The following CACHD1 variants were observed in gnomAD, a reference collection of about 807,000 sequenced individuals.
CACHD1 encodes the protein VWFA and cache domain-containing protein 1.
CACHD1 carries 71 observed loss-of-function variants against 138.7 expected under a neutral mutation model. That is an observed-to-expected ratio of 0.51 (90% CI 0.42 to 0.62). The LOEUF (loss-of-function observed/expected upper bound fraction) is 0.62. CACHD1 is among the 20% of genes least tolerant of loss of function. The pLI is 0.00. For synonymous variants in CACHD1, 578 were observed against 591.5 expected (o/e 0.98, Z 0.33); for missense variants, 1,389 against 1,625.3 (o/e 0.85, Z 2.50).
At position 64,569,070 on chromosome 1, in the gene CACHD1, C is replaced by T. The variant is rs139489932; in HGVS notation, c.262-13086C>T. Among the ~76,000 whole-genome samples the T allele has an allele frequency of 9.0e-3, 1,368 of 151,646 alleles. 30 individuals carry two copies. Among genetic ancestry groups the T allele is most frequent in the African/African-American group, 0.031 (1,283 of 41,310 alleles). ...CCGAGTAGCTGGGATTACAGGCATG[C>T]GCCACCACACCCGGCTAATTTTTTA... On this transcript the variant is annotated intron_variant, in intron 2 of 26. Coordinates refer to ENST00000651257, the MANE Select transcript of CACHD1 (RefSeq NM_020925.4).
chr1:64,512,583 A>G (rs1312097534), intron 1 of CACHD1, among the ~76,000 whole-genome samples: 3 of 152,066 alleles, frequency 2.0e-5, no homozygotes, highest in Non-Finnish European at 2.9e-5. Flanking sequence ...AGGGACAGAC[A>G]CACACACCCC....
chr1:64,561,000 A>G (rs1391005697), intron 2 of CACHD1, among the ~76,000 whole-genome samples: 1 of 152,120 alleles, frequency 6.6e-6, no homozygotes, highest in African/African-American at 2.4e-5. Flanking sequence ...CATCCTTTAT[A>G]TACTTACTGT....
intron 1 of CACHD1, among the ~76,000 whole-genome samples, chr1:64,492,267 C>T (rs911851133): frequency 2.0e-5 from 3 of 149,292 alleles, no homozygotes; most frequent in African/African-American, 7.3e-5. Flanking sequence ...AATGTTTTAT[C>T]CTTAGCAAAA....
At chr1:64,654,591 A>T (rs1017494874) in intron 11 of CACHD1, 95 bp from the exon 12 acceptor site, 11 of 788,198 alleles carry the variant, frequency 1.4e-5, no homozygotes, top group Non-Finnish European at 2.2e-5. Context: ...CGAAATCAGG[A>T]GGTGGCCATT....
chr1:64,515,684 C>T (rs1646453525), intron 1 of CACHD1, among the ~76,000 whole-genome samples: 1 of 152,100 alleles, frequency 6.6e-6, no homozygotes, highest in South Asian at 2.1e-4. Flanking sequence ...TCCCTAGCTG[C>T]CTGGGAGAGA....
chr1:64,531,995 A>C (rs1646591074), intron 1 of CACHD1, among the ~76,000 whole-genome samples: 1 of 152,218 alleles, frequency 6.6e-6, no homozygotes, highest in Non-Finnish European at 1.5e-5. Context: ...CTCACAGGAT[A>C]GGGATAAGGG....
chr1:64,681,784 T>C (rs1322523294), intron 25 of CACHD1, among the ~76,000 whole-genome samples: 1 of 152,054 alleles, frequency 6.6e-6, no homozygotes, highest in Non-Finnish European at 1.5e-5. Flanking sequence ...TACTAGACCA[T>C]AGCTTCCTGA....
rs1441724793 is a variant in CACHD1 at position 64,535,755 on chromosome 1, C to A, written c.199-14839C>A. Among the ~76,000 whole-genome samples the A allele has an allele frequency of 4.6e-5, 7 of 152,216 alleles. No individual in the cohort carries two copies. The East Asian group carries it at 1.4e-3, about 29-fold the overall frequency. On this transcript the variant is annotated intron_variant, in intron 1 of 26. Transcript: ENST00000651257. ...GACTTTTAAAGCAATGTTTAGTAGG[C>A]CACCTCCCTCAGGGCCACCTCCATG... is the stretch of plus-strand genomic sequence containing the variant.
intron 4 of CACHD1, among the ~76,000 whole-genome samples, chr1:64,608,065 G>T (rs186899303): frequency 6.4e-4 from 98 of 152,166 alleles, no homozygotes; most frequent in Admixed American, 5.6e-3. Context: ...ATAAAGACCA[G>T]ATCTTGAATT....
chr1:64,549,368 A>G (rs116478097), intron 1 of CACHD1, among the ~76,000 whole-genome samples: 4,874 of 152,306 alleles, frequency 0.032, 118 homozygotes, highest in South Asian at 0.1. Context: ...AGAAAATGAC[A>G]GTAAACATCT....
chr1:64,594,125 G>A (rs963462492), intron 3 of CACHD1, among the ~76,000 whole-genome samples: 7 of 152,010 alleles, frequency 4.6e-5, no homozygotes, highest in African/African-American at 1.4e-4. Context: ...ATGATGGTGG[G>A]CGCCTGTAAT....
rs145270493 is a variant in CACHD1 at position 64,588,276 on chromosome 1, A to G, written c.410+5972A>G. On this transcript the variant is annotated intron_variant, in intron 3 of 26. Coordinates refer to ENST00000651257, the MANE Select transcript of CACHD1 (RefSeq NM_020925.4). ...CTCATTCTCTCAAGTTTTAAAGAATATAACTCCTTTAGGCATAACACTAAG... is the reference window on the plus strand; with the variant it reads ...CTCATTCTCTCAAGTTTTAAAGAATGTAACTCCTTTAGGCATAACACTAAG... Among the ~76,000 whole-genome samples, 317 of 152,324 alleles carry G rather than the reference A, an allele frequency of 2.1e-3. 2 individuals are homozygous for G. Among genetic ancestry groups the G allele is most frequent in the African/African-American group, 7.1e-3 (296 of 41,564 alleles).
chr1:64,588,613 A>G (rs908238158), intron 3 of CACHD1, among the ~76,000 whole-genome samples: 3 of 151,976 alleles, frequency 2.0e-5, no homozygotes, highest in Admixed American at 1.3e-4. Flanking sequence ...CCTGGACTCA[A>G]GTGATCTACC....
intron 16 of CACHD1, among the ~76,000 whole-genome samples, chr1:64,669,725 G>T (rs1446378214): frequency 1.3e-5 from 2 of 151,624 alleles, no homozygotes; most frequent in African/African-American, 4.9e-5. Flanking sequence ...TTTATGAGTT[G>T]CTATGGTAAC....
At chr1:64,505,820 C>A (rs1291667931) in intron 1 of CACHD1, 2 of 146,174 alleles carry the variant, frequency 1.4e-5, no homozygotes, top group South Asian at 1.9e-4. Flanking sequence ...CCCCGCGGCC[C>A]GCGAGGCAGC....
Position 64,602,789 on chromosome 1 carries a change from C to G in CACHD1, c.411-17C>G. On this transcript the variant is annotated splice_polypyrimidine_tract_variant and intron_variant, in intron 3 of 26. Transcript: ENST00000651257. Reference sequence around the variant, plus strand: ...CTGGCCTGAATAAGTATTGCTAATTCTCTCCTATTGTTTCAGATTCGATGG... The same window carrying G: ...CTGGCCTGAATAAGTATTGCTAATTGTCTCCTATTGTTTCAGATTCGATGG... The G allele has an allele frequency of 1.3e-6, 2 of 1,551,218 alleles. No homozygotes were observed. The highest frequency in any genetic ancestry group is 1.8e-6 in the Non-Finnish European group (2 of 1,123,008).
chr1:64,570,106 C>T (rs1239233455), intron 2 of CACHD1, among the ~76,000 whole-genome samples: 1 of 152,172 alleles, frequency 6.6e-6, no homozygotes, highest in African/African-American at 2.4e-5. Flanking sequence ...AACATAAACT[C>T]ATCTGAGAAC....
intron 4 of CACHD1, among the ~76,000 whole-genome samples, chr1:64,617,376 G>C (rs946757816): frequency 6.6e-6 from 1 of 151,906 alleles, no homozygotes; most frequent in African/African-American, 2.4e-5. Context: ...AGGAAGAAGA[G>C]AGAGTGGTGG....
intron 1 of CACHD1, among the ~76,000 whole-genome samples, chr1:64,549,987 T>C (rs1285471318): frequency 6.6e-6 from 1 of 152,108 alleles, no homozygotes; most frequent in Non-Finnish European, 1.5e-5. Flanking sequence ...AGTGGAAGAA[T>C]GTGTGTGCTT....
Sources: gnomAD v4.1 joint callset for allele counts (sites outside exome capture counted in the v4.1 genomes callset) on GRCh38, gnomAD v4.1.1 for gene constraint, MANE v1.5 for transcripts, NCBI Gene and HGNC (gene_info 2026-07-23, HGNC 2026-07-21) for gene names.